The following WNT11 variants were observed in gnomAD, a reference collection of about 807,000 sequenced individuals.
WNT11 encodes Wnt family member 11.
A neutral mutation model predicts 35.6 loss-of-function variants in WNT11; 20 were observed. The ratio of observed to expected loss-of-function variants is 0.56; its 90% CI spans 0.40 to 0.82. WNT11 has a LOEUF of 0.82. Among genes scored for constraint, WNT11 ranks in the 40% least tolerant of loss-of-function variants. The pLI, the probability that WNT11 is intolerant of heterozygous loss-of-function variation, is 0.00. For missense variants in WNT11, 459 were observed against 504.4 expected (o/e 0.91, Z 0.86); for synonymous variants, 200 against 211.9 (o/e 0.94, Z 0.49).
At chr11:76,202,392 G>T (rs1256291376) in intron 1 of WNT11, among the ~76,000 whole-genome samples, 1 of 152,142 alleles carries the variant, frequency 6.6e-6, no homozygotes, top group African/African-American at 2.4e-5. Flanking sequence ...GAGAACAATT[G>T]AGTCGAGGAG....
chr11:76,207,255 C>T (rs1459939592), upstream of WNT11, among the ~76,000 whole-genome samples: 2 of 152,118 alleles, frequency 1.3e-5, no homozygotes, highest in African/African-American at 2.4e-5. Context: ...CCCAGCTACT[C>T]GGGAGGCTGA....
intron 1 of WNT11, among the ~76,000 whole-genome samples, chr11:76,203,422 C>A (rs956452602): frequency 6.6e-6 from 1 of 152,226 alleles, no homozygotes; most frequent in African/African-American, 2.4e-5. Flanking sequence ...ATGTTCCCAA[C>A]CGGCCTGGGC....
Position 76,194,478 on chromosome 11 carries a change from A to AC in WNT11, c.597+88dup, listed in dbSNP as rs1317440846. ...GGCCAGTCAGGGCCCGTCCCCCCGC[A>AC]CCCCCCACCACTGGGGCAAGCTGGG... On this transcript the variant is annotated intron_variant, in intron 3 of 4. Coordinates refer to ENST00000322563, the MANE Select transcript of WNT11 (RefSeq NM_004626.3). The surrounding 1 kb of genome is among the most constrained non-coding windows in gnomAD (Gnocchi z 5.4). The AC allele has an allele frequency of 6.5e-6, 9 of 1,391,970 alleles. No homozygotes were observed. The highest frequency in any genetic ancestry group is 8.4e-6 in the Non-Finnish European group (9 of 1,069,452). 86.2% of individuals were successfully genotyped at this position (1,391,970 alleles called of 1,614,324 possible).
chr11:76,187,037 G>A lies in WNT11; in HGVS notation c.*28C>T, dbSNP rs749604830. ...CTGAGGGTCCTTGAGCAGAGTCCTC[G>A]CTCCTGCGTGGGGCGGAGGGCAGGG... On this transcript the variant is annotated 3_prime_UTR_variant, in exon 5 of 5. Coordinates refer to ENST00000322563, the MANE Select transcript of WNT11 (RefSeq NM_004626.3). 173 of 1,605,710 alleles carry A rather than the reference G, an allele frequency of 1.1e-4. No individual in the cohort carries two copies. The highest frequency in any genetic ancestry group is 1.4e-4 in the Non-Finnish European group (164 of 1,179,716).
At chr11:76,203,299 T>C (rs529581951) in intron 1 of WNT11, among the ~76,000 whole-genome samples, 51 of 152,336 alleles carry the variant, frequency 3.3e-4, no homozygotes, top group African/African-American at 1.2e-3. Context: ...AGTCCCAGTC[T>C]GGCGCTCCTT....
At chr11:76,196,229 T>C (rs1159460969) in intron 2 of WNT11, among the ~76,000 whole-genome samples, 1 of 152,228 alleles carries the variant, frequency 6.6e-6, no homozygotes, top group African/African-American at 2.4e-5. Flanking sequence ...ACATGTGCTG[T>C]CCAGGCTCCC....
chr11:76,199,317 C>T (rs941903989), intron 1 of WNT11, among the ~76,000 whole-genome samples: 4 of 151,964 alleles, frequency 2.6e-5, no homozygotes, highest in African/African-American at 9.7e-5. Flanking sequence ...AGAGCCGTCT[C>T]TACCAAAAAG....
chr11:76,194,743 C>A lies in WNT11; in HGVS notation c.421G>T (p.Gly141Cys). 1 of 1,551,514 alleles carries A rather than the reference C, an allele frequency of 6.4e-7. No homozygotes were observed. The change falls in exon 3 of 5, where the codon GGC becomes TGC. Residue 141 changes from glycine (G) to cysteine (C), a missense_variant. Transcript: ENST00000322563. This position sits in a 1 kb window ranked among gnomAD's most constrained non-coding sequence, Gnocchi z 5.4. ...CCGGGTGGCTCACCTGGGACGGGGCCGCAGGAGCAGCCGGGCAGGTCGCCG... is the reference window on the plus strand; with the variant it reads ...CCGGGTGGCTCACCTGGGACGGGGCAGCAGGAGCAGCCGGGCAGGTCGCCG... ...TSGDLPGCSC[G>C]PVPGEPPGPG... is the part of the protein sequence containing the mutation.
chr11:76,187,551 C>G (rs1478228875), intron 4 of WNT11, among the ~76,000 whole-genome samples: 1 of 151,776 alleles, frequency 6.6e-6, no homozygotes, highest in Non-Finnish European at 1.5e-5. Flanking sequence ...GCAGCCTTGA[C>G]CCCCGCCTTC....
chr11:76,200,888 T>TGAAGGCAGC (rs1338693203), intron 1 of WNT11, among the ~76,000 whole-genome samples: 1 of 152,224 alleles, frequency 6.6e-6, no homozygotes, highest in Non-Finnish European at 1.5e-5. Flanking sequence ...GTTCAGGCAG[T>TGAAGGCAGC]GAAGGCAGCC....
At chr11:76,205,159 G>A (rs1158004806) in intron 1 of WNT11, among the ~76,000 whole-genome samples, 6 of 152,182 alleles carry the variant, frequency 3.9e-5, no homozygotes, top group African/African-American at 1.4e-4. Context: ...TCCTCGAATC[G>A]TCAATTAATC....
At chr11:76,191,478 T>C in intron 4 of WNT11, 86 bp downstream of exon 4, 2 of 1,445,544 alleles carry the variant, frequency 1.4e-6, no homozygotes, top group South Asian at 1.3e-5. Flanking sequence ...GCCACCTGAG[T>C]CCCTGCTGTG....
chr11:76,192,970 C>A (rs1002007255), intron 3 of WNT11, among the ~76,000 whole-genome samples: 1 of 152,188 alleles, frequency 6.6e-6, no homozygotes, highest in Non-Finnish European at 1.5e-5. Flanking sequence ...TTGCCCAAGA[C>A]AAGTGAGTTA....
chr11:76,191,047 C>CAGA (rs1008327467), intron 4 of WNT11: 1 of 153,734 alleles, frequency 6.5e-6, no homozygotes, highest in African/African-American at 2.4e-5. Context: ...CTCACAGGGG[C>CAGA]GAGGACACAG....
At chr11:76,205,212 CTG>C (rs776151090) in intron 1 of WNT11, among the ~76,000 whole-genome samples, 6 of 152,238 alleles carry the variant, frequency 3.9e-5, no homozygotes, top group African/African-American at 1.2e-4. Flanking sequence ...GACCTCCAGA[CTG>C]TTTGCTGGCG....
chr11:76,188,964 A>AG lies in WNT11; in HGVS notation c.891-1726dup, dbSNP rs559738751. On this transcript the variant is annotated intron_variant, in intron 4 of 4. Transcript: ENST00000322563. ...GGGGAGAGGCCAGGCCTGAGCCGGA[A>AG]GGGGCCATGGGCAGAAGGAGGGGAG... Among the ~76,000 whole-genome samples the AG allele has an allele frequency of 2.9e-3, 438 of 152,310 alleles. 3 individuals carry two copies. The highest frequency in any genetic ancestry group is 0.01 in the African/African-American group (425 of 41,568).
Position 76,206,364 on chromosome 11 carries a change from A to AGGGC in WNT11, c.40_43dup (p.Leu15ArgfsTer82). The AGGGC allele has an allele frequency of 6.4e-7, 1 of 1,569,148 alleles. No homozygotes were observed. Among genetic ancestry groups the AGGGC allele is most frequent in the Non-Finnish European group, 8.6e-7 (1 of 1,162,818 alleles). On this transcript the variant is annotated frameshift_variant, in exon 1 of 5. Transcript: ENST00000322563. LOFTEE classifies it high-confidence loss of function. ...ATAGCACACGCCGGTCTGGAGCGCC[A>AGGGC]GGGCGAAGAGCAGCGCCTCGCAGAC...
intron 1 of WNT11, among the ~76,000 whole-genome samples, chr11:76,205,733 A>G (rs1255318757): frequency 6.6e-6 from 1 of 151,976 alleles, no homozygotes; most frequent in Non-Finnish European, 1.5e-5. Context: ...CTGCGTGAAT[A>G]ATTTCTATCT....
intron 1 of WNT11, 46 bp downstream of exon 1, chr11:76,206,279 G>T: frequency 2.2e-6 from 3 of 1,385,624 alleles, no homozygotes; most frequent in Non-Finnish European, 1.9e-6. Flanking sequence ...GCCCTCCGCC[G>T]CCCCAGTCCC....
Sources: gnomAD v4.1 joint callset for allele counts (sites outside exome capture counted in the v4.1 genomes callset) on GRCh38, gnomAD v4.1.1 for gene constraint, Gnocchi (gnomAD v3.1) non-coding constraint, MANE v1.5 for transcripts, NCBI Gene and HGNC (gene_info 2026-07-23, HGNC 2026-07-21) for gene names.